Variants in ZNF430 observed in about 807,000 individuals in gnomAD.
The protein encoded by ZNF430 is zinc finger protein 430.
In ZNF430, 35 loss-of-function variants were observed where a neutral mutation model predicts 56.7. The observed-to-expected ratio is 0.62, with a 90% confidence interval of 0.47 to 0.82. The LOEUF (loss-of-function observed/expected upper bound fraction) is 0.82. Among genes scored for constraint, ZNF430 ranks in the 40% least tolerant of loss-of-function variants. The pLI is 0.00. For synonymous variants in ZNF430, 212 were observed against 224.3 expected (o/e 0.94, Z 0.49); for missense variants, 574 against 661.0 (o/e 0.87, Z 1.44).
At chr19:21,024,218 C>G (rs1368406307) in intron 2 of ZNF430, among the ~76,000 whole-genome samples, 1 of 152,082 alleles carries the variant, frequency 6.6e-6, no homozygotes, top group Non-Finnish European at 1.5e-5. Context: ...AGAGAAGCTA[C>G]AGAGTCCTGG....
intron 4 of ZNF430, among the ~76,000 whole-genome samples, chr19:21,052,270 A>G (rs1968296659): frequency 6.6e-6 from 1 of 152,186 alleles, no homozygotes; most frequent in Non-Finnish European, 1.5e-5. Flanking sequence ...TGTATGAGCT[A>G]CTGAGAAGGG....
intron 4 of ZNF430, among the ~76,000 whole-genome samples, chr19:21,054,841 A>AT (rs1270780377): frequency 2.7e-5 from 4 of 150,478 alleles, no homozygotes; most frequent in Non-Finnish European, 4.4e-5. Context: ...CGCCCGGCTG[A>AT]TTTTTTCTTT....
chr19:21,029,705 A>G (rs1489249122), intron 2 of ZNF430, among the ~76,000 whole-genome samples: 3 of 152,130 alleles, frequency 2.0e-5, no homozygotes, highest in Admixed American at 6.6e-5. Flanking sequence ...GGTGGCTCAC[A>G]CCTGTAATCC....
At chr19:21,049,173 C>CAAAAAA (rs746043747) in intron 4 of ZNF430, among the ~76,000 whole-genome samples, 8 of 65,222 alleles carry the variant, frequency 1.2e-4, no homozygotes, top group South Asian at 7.9e-4. Context: ...GACTCCATCT[C>CAAAAAA]AAAAAAAAAA....
At chr19:21,053,643 C>T (rs1229517695) in intron 4 of ZNF430, 4 of 152,228 alleles carry the variant, frequency 2.6e-5, no homozygotes, top group Admixed American at 2.6e-4. Flanking sequence ...ATCCGCCCAT[C>T]TTGGCCTCTG....
chr19:21,034,737 C>G (rs1197946305), intron 4 of ZNF430: 1 of 152,236 alleles, frequency 6.6e-6, no homozygotes, highest in Non-Finnish European at 1.5e-5. Flanking sequence ...CAGGGTTTCA[C>G]CATGTTGGGC....
intron 4 of ZNF430, among the ~76,000 whole-genome samples, chr19:21,049,306 A>G (rs185990676): frequency 6.6e-6 from 1 of 152,012 alleles, no homozygotes; most frequent in African/African-American, 2.4e-5. Context: ...GTATCTATTA[A>G]CAGATTTATA....
intron 2 of ZNF430, among the ~76,000 whole-genome samples, chr19:21,025,064 T>C (rs1967767670): frequency 1.3e-5 from 2 of 152,174 alleles, no homozygotes; most frequent in South Asian, 4.1e-4. Flanking sequence ...GAGAGGGTTC[T>C]TGGATTTCGC....
chr19:21,059,607 G>T lies in ZNF430; in HGVS notation c.*1586G>T, dbSNP rs1968435990. 1 of 151,318 alleles carries T rather than the reference G, an allele frequency of 6.6e-6. No homozygotes were observed. Among genetic ancestry groups the T allele is most frequent in the Non-Finnish European group, 1.5e-5 (1 of 67,916 alleles). 9.4% of individuals were successfully genotyped at this position (151,318 alleles called of 1,614,324 possible). On this transcript the variant is annotated 3_prime_UTR_variant, in exon 5 of 5. Transcript: ENST00000261560. ...AATTATTTGTATATAACTTTAAAAG[G>T]AGTAGAAGGGCTTTTTGCAGAGTTA... is the stretch of plus-strand genomic sequence containing the variant.
intron 2 of ZNF430, among the ~76,000 whole-genome samples, chr19:21,028,860 A>G (rs1009153464): frequency 2.0e-5 from 3 of 151,008 alleles, no homozygotes; most frequent in African/African-American, 7.3e-5. Context: ...TAATTTTTGC[A>G]TTTTTAATAA....
chr19:21,029,546 C>T (rs1967863778), intron 2 of ZNF430, among the ~76,000 whole-genome samples: 1 of 152,158 alleles, frequency 6.6e-6, no homozygotes, highest in African/African-American at 2.4e-5. Flanking sequence ...ACCTTGGTGG[C>T]AGAGAGAACA....
At chr19:21,054,337 A>T (rs1280119845) in intron 4 of ZNF430, among the ~76,000 whole-genome samples, 1 of 151,590 alleles carries the variant, frequency 6.6e-6, no homozygotes, top group Non-Finnish European at 1.5e-5. Flanking sequence ...CATACGGAGT[A>T]CCAATGCACT....
At chr19:21,026,834 T>TC (rs1967808799) in intron 2 of ZNF430, among the ~76,000 whole-genome samples, 1 of 122,274 alleles carries the variant, frequency 8.2e-6, no homozygotes, top group South Asian at 3.0e-4. Flanking sequence ...TTTCTTTTTT[T>TC]TTTTTTTTTT....
At chr19:21,050,126 C>T (rs535301981) in intron 4 of ZNF430, among the ~76,000 whole-genome samples, 161 of 152,068 alleles carry the variant, frequency 1.1e-3, no homozygotes, top group African/African-American at 3.7e-3. Flanking sequence ...CTGTGTGATC[C>T]GCCTGCCTCG....
chr19:21,048,435 C>T (rs1172458431), intron 4 of ZNF430, among the ~76,000 whole-genome samples: 7 of 151,892 alleles, frequency 4.6e-5, no homozygotes, highest in Middle Eastern at 3.4e-3. Context: ...GCACATCTTG[C>T]ACCGCCCTTA....
intron 2 of ZNF430, among the ~76,000 whole-genome samples, chr19:21,029,974 G>C (rs1180696100): frequency 6.6e-6 from 1 of 151,586 alleles, no homozygotes; most frequent in African/African-American, 2.4e-5. Context: ...AAAAAAAAAA[G>C]ACTGGAGTTT....
chr19:21,043,562 A>C (rs1268853514), intron 4 of ZNF430, among the ~76,000 whole-genome samples: 1 of 152,144 alleles, frequency 6.6e-6, no homozygotes, highest in African/African-American at 2.4e-5. Flanking sequence ...TGATGCTTCC[A>C]GCTTTGTTCT....
intron 4 of ZNF430, among the ~76,000 whole-genome samples, chr19:21,038,797 T>C (rs1047800355): frequency 6.6e-6 from 1 of 152,226 alleles, no homozygotes; most frequent in African/African-American, 2.4e-5. Flanking sequence ...CTATAGTTCA[T>C]AATGAAATTT....
chr19:21,045,193 T>C (rs1031025487), intron 4 of ZNF430, among the ~76,000 whole-genome samples: 1 of 152,214 alleles, frequency 6.6e-6, no homozygotes, highest in African/African-American at 2.4e-5. Context: ...TCTTTCCAGC[T>C]TTTTGCTGTG....
Sources: allele counts gnomAD v4.1 joint callset (sites outside exome capture counted in the v4.1 genomes callset), GRCh38; gene constraint gnomAD v4.1.1; transcripts MANE v1.5; gene names NCBI Gene and HGNC (gene_info 2026-07-23, HGNC 2026-07-21).